The following SPAG17 variants were observed in gnomAD, a reference collection of about 807,000 sequenced individuals.
SPAG17 encodes sperm-associated antigen 17.
In SPAG17, 169 loss-of-function variants were observed where a neutral mutation model predicts 273.6. The observed-to-expected ratio is 0.62, with a 90% CI of 0.55 to 0.70. SPAG17 has a LOEUF of 0.70. Among genes scored for constraint, SPAG17 ranks in the 30% least tolerant of loss-of-function variants. The pLI is 0.00. For synonymous variants in SPAG17, 825 were observed against 873.2 expected (o/e 0.94, Z 0.97); for missense variants, 2,557 against 2,627.8 (o/e 0.97, Z 0.59).
intron 3 of SPAG17, among the ~76,000 whole-genome samples, chr1:118,120,051 T>C (rs1028264690): frequency 6.6e-6 from 1 of 152,232 alleles, no homozygotes; most frequent in Admixed American, 6.5e-5. Flanking sequence ...TTTTTTTCTA[T>C]GAAGTGCATG....
At chr1:117,971,526 AATT>A (rs1437939684) in intron 45 of SPAG17, among the ~76,000 whole-genome samples, 12 of 152,032 alleles carry the variant, frequency 7.9e-5, no homozygotes, top group African/African-American at 2.9e-4. Context: ...AAAGACTTTC[AATT>A]ATTGTGCATT....
At chr1:118,062,350 G>A (rs1216309355) in intron 18 of SPAG17, among the ~76,000 whole-genome samples, 2 of 84,640 alleles carry the variant, frequency 2.4e-5, no homozygotes, top group Non-Finnish European at 4.3e-5. Context: ...CTGGGCGACA[G>A]AGCGAGACTC....
chr1:117,962,088 G>C (rs1019036721), intron 48 of SPAG17: 2 of 151,450 alleles, frequency 1.3e-5, no homozygotes, highest in Non-Finnish European at 2.9e-5. Context: ...GTTAAAAGTT[G>C]CTGTTTTCCC....
At chr1:118,180,326 T>C (rs1660882428) in intron 1 of SPAG17, among the ~76,000 whole-genome samples, 2 of 152,186 alleles carry the variant, frequency 1.3e-5, no homozygotes, top group Non-Finnish European at 2.9e-5. Flanking sequence ...GCGTTCATTA[T>C]GTTAAGTGAA....
chr1:117,953,929 G>T lies in SPAG17; in HGVS notation c.*121C>A. 6.5e-6 allele frequency: 8 copies of T among 1,229,530 alleles called. No homozygotes were observed. Among genetic ancestry groups the T allele is most frequent in the Non-Finnish European group, 9.2e-6 (8 of 871,394 alleles). 76.2% of individuals were successfully genotyped at this position (1,229,530 alleles called of 1,614,324 possible). A position where few individuals can be genotyped will look rare whatever the true frequency, so the allele number is the denominator to read the frequency against. On this transcript the variant is annotated 3_prime_UTR_variant, in exon 49 of 49. Coordinates refer to ENST00000336338, the MANE Select transcript of SPAG17 (RefSeq NM_206996.4). ...AAGCTATTTCATTTGGCAAATTTCT[G>T]GTCAGTTCTTCCAGTTTCAGTGTCC...
At chr1:118,139,911 A>G (rs983569477) in intron 3 of SPAG17, among the ~76,000 whole-genome samples, 3 of 152,146 alleles carry the variant, frequency 2.0e-5, no homozygotes, top group African/African-American at 7.2e-5. Context: ...AAGTGACCAG[A>G]TAGGGCTTTG....
intron 24 of SPAG17, among the ~76,000 whole-genome samples, chr1:118,034,126 T>C (rs557580220): frequency 1.1e-4 from 17 of 152,266 alleles, no homozygotes; most frequent in African/African-American, 3.6e-4. Context: ...TCCCCATCCA[T>C]TTACTAATAT....
intron 48 of SPAG17, chr1:117,959,452 G>A (rs766014753): frequency 1.6e-5 from 26 of 1,587,104 alleles, no homozygotes; most frequent in Non-Finnish European, 2.1e-5. Context: ...ACTTAGAACT[G>A]AAATGTGGTA....
chr1:118,081,143 G>C lies in SPAG17; in HGVS notation c.2167C>G (p.Gln723Glu). Residue 723 changes from glutamine (Q) to glutamate (E), a missense_variant, in exon 15 of 49, where the codon CAG (glutamine) becomes GAG (glutamate). Physicochemically the swap from Gln to Glu is conservative, Grantham distance 29. Coordinates refer to ENST00000336338, the MANE Select transcript of SPAG17 (RefSeq NM_206996.4). ...SVPDNRQLLE[Q>E]ESIMKAQPQH... ...GGCTGAGCCTTCATGATGCTCTCCT[G>C]CTCTAACAGCTGTCTATTATCAGGG... The C allele has an allele frequency of 1.2e-6, 2 of 1,613,718 alleles. No individual in the cohort carries two copies. Among genetic ancestry groups the C allele is most frequent in the Non-Finnish European group, 1.7e-6 (2 of 1,179,932 alleles).
chr1:118,071,728 C>T (rs994726401), intron 17 of SPAG17, among the ~76,000 whole-genome samples: 1 of 151,174 alleles, frequency 6.6e-6, no homozygotes, highest in African/African-American at 2.4e-5. Flanking sequence ...ATGATAATAA[C>T]AGGAATAAAG....
intron 27 of SPAG17, among the ~76,000 whole-genome samples, chr1:118,023,683 T>G (rs1048106734): frequency 1.3e-5 from 2 of 152,124 alleles, no homozygotes; most frequent in Non-Finnish European, 2.9e-5. Flanking sequence ...TATTTTCTAT[T>G]TTCTATTTAC....
chr1:118,099,362 T>C (rs1655913775), intron 6 of SPAG17, among the ~76,000 whole-genome samples: 1 of 152,240 alleles, frequency 6.6e-6, no homozygotes, highest in Non-Finnish European at 1.5e-5. Flanking sequence ...TGAACTGCAG[T>C]CTGTTTTCTG....
intron 7 of SPAG17, among the ~76,000 whole-genome samples, chr1:118,096,553 G>A (rs1470011927): frequency 1.3e-5 from 2 of 152,100 alleles, no homozygotes; most frequent in Non-Finnish European, 2.9e-5. Flanking sequence ...TGTTAGTTGG[G>A]ATAAGGGTCA....
At chr1:118,120,845 T>G (rs1388196191) in intron 3 of SPAG17, among the ~76,000 whole-genome samples, 2 of 152,098 alleles carry the variant, frequency 1.3e-5, no homozygotes, top group African/African-American at 4.8e-5. Flanking sequence ...AATATTTAAC[T>G]TGGTAGCTCA....
chr1:118,150,267 G>C (rs189202307), intron 3 of SPAG17: 1 of 241,962 alleles, frequency 4.1e-6, no homozygotes, highest in African/African-American at 2.3e-5. Context: ...TGTGTCTATA[G>C]AAGTTTCTGA....
At chr1:118,035,112 C>G (rs144001357) in intron 24 of SPAG17, among the ~76,000 whole-genome samples, 1 of 152,068 alleles carries the variant, frequency 6.6e-6, no homozygotes, top group Non-Finnish European at 1.5e-5. Context: ...TATATGAATC[C>G]TTAGGAAATG....
chr1:118,181,933 C>A lies in SPAG17; in HGVS notation c.87+3138G>T, dbSNP rs562974775. 2.6e-4 allele frequency among the ~76,000 whole-genome samples: 40 copies of A among 152,198 alleles called. No homozygotes were observed. The Middle Eastern group carries it at 0.014, about 52-fold the overall frequency. On this transcript the variant is annotated intron_variant, in intron 1 of 48. Transcript: ENST00000336338. ...GAGTTTGAGATCAGCCTGGGCCACA[C>A]AGACCCCGTCTCAAAACAAAATTAA... is the stretch of plus-strand genomic sequence containing the variant.
intron 4 of SPAG17, among the ~76,000 whole-genome samples, chr1:118,110,170 T>A (rs1463139842): frequency 6.6e-6 from 1 of 152,160 alleles, no homozygotes; most frequent in Non-Finnish European, 1.5e-5. Context: ...GAAATTGAAA[T>A]AACTTAAATG....
At position 118,040,777 on chromosome 1, in the gene SPAG17, G is replaced by A. The variant is rs760914716; in HGVS notation, c.3119C>T (p.Pro1040Leu). The A allele has an allele frequency of 7.5e-6, 12 of 1,607,026 alleles. No homozygotes were observed. The East Asian group carries it at 2.2e-4, about 30-fold the overall frequency. The change falls in exon 22 of 49, where the codon CCT (proline) becomes CTT (leucine). Residue 1040 changes from proline to leucine, a missense_variant. Coordinates refer to ENST00000336338, the MANE Select transcript of SPAG17 (RefSeq NM_206996.4). ...CACTTCAATCTGCCCCCCATCAGAA[G>A]GATACAGGTAGTAATTTGACCCTGA... Reference protein sequence around the residue: ...QISGSNYYLYPSDGGQIEVEK... With the variant: ...QISGSNYYLYLSDGGQIEVEK...
Sources: gnomAD v4.1 joint callset for allele counts (sites outside exome capture counted in the v4.1 genomes callset) on GRCh38, gnomAD v4.1.1 for gene constraint, MANE v1.5 for transcripts, NCBI Gene and HGNC (gene_info 2026-07-23, HGNC 2026-07-21) for gene names.